CADM2: variants seen among roughly 807,000 people sequenced by gnomAD.
The protein encoded by CADM2 is cell adhesion molecule 2.
A neutral mutation model predicts 49.8 loss-of-function variants in CADM2; 12 were observed. The ratio of observed to expected loss-of-function variants is 0.24; its 90% CI spans 0.15 to 0.39. The LOEUF (loss-of-function observed/expected upper bound fraction) is 0.39. Among genes scored for constraint, CADM2 ranks in the 10% least tolerant of loss-of-function variants. The probability of loss-of-function intolerance (pLI) is 1.00; values close to 1 mark genes in which losing one functional copy is unlikely to be tolerated. For synonymous variants in CADM2, 214 were observed against 175.4 expected (o/e 1.22, Z -1.74); for missense variants, 378 against 492.3 (o/e 0.77, Z 2.20).
intron 1 of CADM2, among the ~76,000 whole-genome samples, chr3:85,232,354 A>G (rs933538252): frequency 1.3e-5 from 2 of 152,090 alleles, no homozygotes; most frequent in Non-Finnish European, 2.9e-5. Context: ...GGAAGATTAT[A>G]TATCTCATAC....
At chr3:85,663,932 T>C (rs773503039) in intron 1 of CADM2, among the ~76,000 whole-genome samples, 1 of 152,014 alleles carries the variant, frequency 6.6e-6, no homozygotes. Context: ...CTAGTCAATG[T>C]CCGTGGTCAA....
At chr3:85,146,101 A>G (rs1463730354) in intron 1 of CADM2, among the ~76,000 whole-genome samples, 1 of 152,186 alleles carries the variant, frequency 6.6e-6, no homozygotes, top group African/African-American at 2.4e-5. Flanking sequence ...ATTAATGTTT[A>G]TATCCCTTAG....
chr3:86,009,636 C>T (rs893128814), intron 8 of CADM2, among the ~76,000 whole-genome samples: 6 of 151,918 alleles, frequency 3.9e-5, no homozygotes, highest in Non-Finnish European at 1.5e-5. Context: ...TAAACTGATA[C>T]TTCTTTCTCA....
intron 1 of CADM2, among the ~76,000 whole-genome samples, chr3:85,600,185 G>C (rs987173376): frequency 6.6e-6 from 1 of 151,728 alleles, no homozygotes; most frequent in Non-Finnish European, 1.5e-5. Context: ...ATTTTTATAT[G>C]TTTGAATGCC....
intron 3 of CADM2, among the ~76,000 whole-genome samples, chr3:85,834,150 G>A (rs535261646): frequency 6.6e-6 from 1 of 151,622 alleles, no homozygotes; most frequent in East Asian, 1.9e-4. Context: ...TTAACATGAA[G>A]ACAGAAATCA....
intron 1 of CADM2, among the ~76,000 whole-genome samples, chr3:85,327,085 C>G (rs1298830620): frequency 6.7e-6 from 1 of 149,532 alleles, no homozygotes; most frequent in Non-Finnish European, 1.5e-5. Context: ...GCCTTTTTAA[C>G]TAAAATTAAA....
intron 1 of CADM2, among the ~76,000 whole-genome samples, chr3:85,011,710 C>T (rs2034001355): frequency 6.6e-6 from 1 of 151,946 alleles, no homozygotes; most frequent in Non-Finnish European, 1.5e-5. Flanking sequence ...CAGGGAGACC[C>T]CACCTCTACA....
At chr3:85,539,438 A>G (rs559114839) in intron 1 of CADM2, among the ~76,000 whole-genome samples, 5 of 152,162 alleles carry the variant, frequency 3.3e-5, no homozygotes, top group South Asian at 4.2e-4. Context: ...AACTTCTCCA[A>G]TGCTCATAAT....
chr3:85,585,197 A>G (rs925763851), intron 1 of CADM2, among the ~76,000 whole-genome samples: 1 of 151,942 alleles, frequency 6.6e-6, no homozygotes, highest in African/African-American at 2.4e-5. Flanking sequence ...TAAGTCACTC[A>G]GTAGCTGTCT....
intron 1 of CADM2, among the ~76,000 whole-genome samples, chr3:85,204,211 A>G (rs2041576779): frequency 1.3e-5 from 2 of 152,162 alleles, no homozygotes; most frequent in Non-Finnish European, 2.9e-5. Context: ...TTCACTGTAA[A>G]TAGGATGCAC....
In CADM2 at chr3:85,444,424, C is replaced by T. The variant is rs202072457; in HGVS notation, c.62-282098C>T. ...GCTCTTCCAGTTTAGTAACTGGCTT[C>T]TTGTCTTTTCCTACACACTCACACA... On this transcript the variant is annotated intron_variant, in intron 1 of 9. Transcript: ENST00000383699. Among the ~76,000 whole-genome samples, 17 of 142,788 alleles carry T rather than the reference C, an allele frequency of 1.2e-4. 1 individual carries two copies. In the East Asian group the frequency reaches 3.4e-3, roughly 29 times the overall value. The allele number at this position is 142,788 out of a possible 152,430, so 93.7% of individuals were successfully genotyped here.
chr3:85,012,331 T>C (rs187701785), intron 1 of CADM2, among the ~76,000 whole-genome samples: 26 of 150,742 alleles, frequency 1.7e-4, no homozygotes, highest in African/African-American at 6.1e-4. Flanking sequence ...TTTTTTTTTT[T>C]CCTTAGCACT....
At chr3:85,199,370 T>TGAGAGAGA (rs59939815) in intron 1 of CADM2, among the ~76,000 whole-genome samples, 4 of 140,106 alleles carry the variant, frequency 2.9e-5, no homozygotes, top group African/African-American at 8.5e-5. Context: ...TGTGTGTGTA[T>TGAGAGAGA]GAGAGAGAGA....
At chr3:85,441,424 A>G (rs2037196744) in intron 1 of CADM2, among the ~76,000 whole-genome samples, 1 of 152,086 alleles carries the variant, frequency 6.6e-6, no homozygotes, top group Non-Finnish European at 1.5e-5. Flanking sequence ...AGTCGGCAAA[A>G]TTAACATCCA....
intron 1 of CADM2, among the ~76,000 whole-genome samples, chr3:85,516,969 T>C (rs2060919252): frequency 6.6e-6 from 1 of 151,922 alleles, no homozygotes; most frequent in African/African-American, 2.4e-5. Flanking sequence ...ACCTGTTTTC[T>C]ATTGTTCCTT....
In CADM2 at chr3:85,674,168, A is replaced by T. The variant is rs371728726; in HGVS notation, c.62-52354A>T. On this transcript the variant is annotated intron_variant, in intron 1 of 9. Coordinates refer to ENST00000383699, the MANE Select transcript of CADM2 (RefSeq NM_001167675.2). ...AGATATTAGTTAAAAAAAATGGCAG[A>T]CACACAGAACTGTATTAAATACATG... Among the ~76,000 whole-genome samples, 6 of 152,326 alleles carry T rather than the reference A, an allele frequency of 3.9e-5. No individual in the cohort carries two copies. The East Asian group carries it at 9.6e-4, about 24-fold the overall frequency.
intron 8 of CADM2, among the ~76,000 whole-genome samples, chr3:85,995,695 G>T (rs1441268593): frequency 2.0e-5 from 3 of 152,054 alleles, no homozygotes; most frequent in African/African-American, 7.2e-5. Context: ...TTAGTGATAG[G>T]TATTCTTTTT....
chr3:85,442,486 T>G (rs6787518), intron 1 of CADM2, among the ~76,000 whole-genome samples: 6,310 of 150,886 alleles, frequency 0.042, 446 homozygotes, highest in African/African-American at 0.14. Flanking sequence ...TAATTCACCT[T>G]TGCTTCAAAG....
intron 1 of CADM2, among the ~76,000 whole-genome samples, chr3:85,254,685 C>T (rs7622821): frequency 0.068 from 10,317 of 152,078 alleles, 1,140 homozygotes; most frequent in African/African-American, 0.23. Flanking sequence ...ACCAGAGTAA[C>T]TGTGCAGAAC....
Sources: allele counts gnomAD v4.1 joint callset (sites outside exome capture counted in the v4.1 genomes callset), GRCh38; gene constraint gnomAD v4.1.1; transcripts MANE v1.5; gene names NCBI Gene and HGNC (gene_info 2026-07-23, HGNC 2026-07-21).